The following NTNG1 variants were observed in gnomAD, a reference collection of about 807,000 sequenced individuals.
The protein encoded by NTNG1 is netrin G1.
NTNG1 carries 16 observed loss-of-function variants against 54.0 expected under a neutral mutation model. That is an observed-to-expected ratio of 0.30 (90% CI 0.20 to 0.45). The LOEUF (loss-of-function observed/expected upper bound fraction) is 0.45, where lower values mean the gene tolerates loss of function less well. Among genes scored for constraint, NTNG1 ranks in the 20% least tolerant of loss-of-function variants. The pLI, the probability that NTNG1 is intolerant of heterozygous loss-of-function variation, is 1.00. For synonymous variants in NTNG1, 255 were observed against 263.1 expected, an observed-to-expected ratio of 0.97 and a Z score of 0.30; for missense variants, 530 against 678.7, an observed-to-expected ratio of 0.78 and a Z score of 2.43.
intron 4 of NTNG1, among the ~76,000 whole-genome samples, chr1:107,404,634 C>A (rs1448193912): frequency 2.0e-5 from 3 of 151,994 alleles, no homozygotes; most frequent in African/African-American, 7.3e-5. Flanking sequence ...CCAGGCAGAT[C>A]CAACAGGTGC....
chr1:107,472,550 G>A (rs1224349801), intron 7 of NTNG1, among the ~76,000 whole-genome samples: 1 of 152,104 alleles, frequency 6.6e-6, no homozygotes, highest in Non-Finnish European at 1.5e-5. Context: ...ATGGATGAGT[G>A]TCACTAAATA....
chr1:107,192,102 A>G (rs543889431), intron 2 of NTNG1, among the ~76,000 whole-genome samples: 79 of 151,988 alleles, frequency 5.2e-4, no homozygotes, highest in African/African-American at 1.8e-3. Context: ...CTTTTATTTC[A>G]TTGATCAGTG....
chr1:107,389,465 T>C (rs1370203517), intron 3 of NTNG1, among the ~76,000 whole-genome samples: 1 of 152,240 alleles, frequency 6.6e-6, no homozygotes, highest in Non-Finnish European at 1.5e-5. Context: ...TTTTCATACC[T>C]ACTGGCAGGT....
intron 7 of NTNG1, among the ~76,000 whole-genome samples, chr1:107,439,510 T>C (rs1408566694): frequency 6.6e-6 from 1 of 152,078 alleles, no homozygotes; most frequent in Non-Finnish European, 1.5e-5. Context: ...AAGATTATTC[T>C]AGCTACTAAG....
intron 3 of NTNG1, among the ~76,000 whole-genome samples, chr1:107,356,247 G>C (rs761353803): frequency 6.6e-6 from 1 of 152,096 alleles, no homozygotes; most frequent in Non-Finnish European, 1.5e-5. Context: ...AACATACCTG[G>C]TAGAAAGTAT....
chr1:107,375,077 T>C (rs920636223), intron 3 of NTNG1, among the ~76,000 whole-genome samples: 3 of 152,340 alleles, frequency 2.0e-5, no homozygotes, highest in Admixed American at 1.3e-4. Flanking sequence ...GGAGGTTTTT[T>C]CCCTGCCTTC....
At chr1:107,173,315 G>A (rs536268153) in intron 2 of NTNG1, among the ~76,000 whole-genome samples, 2 of 152,084 alleles carry the variant, frequency 1.3e-5, no homozygotes, top group East Asian at 3.9e-4. Flanking sequence ...CTTAGTCTAG[G>A]ATACAGAAAG....
In NTNG1 at chr1:107,264,531, T is replaced by C. The variant is rs573072670; in HGVS notation, c.247-59751T>C. Among the ~76,000 whole-genome samples the C allele has an allele frequency of 2.8e-4, 42 of 152,380 alleles. No individual in the cohort carries two copies. In the South Asian group the frequency reaches 8.5e-3, roughly 31 times the overall value. ...ATATATAGATTTTCCTTTCATTTTTTATAAATGCTCCTTGGATTTTTCTAT... is the reference window on the plus strand; with the variant it reads ...ATATATAGATTTTCCTTTCATTTTTCATAAATGCTCCTTGGATTTTTCTAT... On this transcript the variant is annotated intron_variant, in intron 2 of 7. Transcript: ENST00000370068.
intron 2 of NTNG1, among the ~76,000 whole-genome samples, chr1:107,191,118 T>A (rs946649132): frequency 1.9e-4 from 29 of 152,236 alleles, no homozygotes; most frequent in Non-Finnish European, 2.9e-4. Context: ...TGATCGCCAT[T>A]CTAACCGGTG....
chr1:107,242,418 G>A (rs755817177), intron 2 of NTNG1, among the ~76,000 whole-genome samples: 15 of 152,032 alleles, frequency 9.9e-5, no homozygotes, highest in South Asian at 4.1e-4. Context: ...TCCAAACACC[G>A]TCTAACTCAA....
chr1:107,266,291 G>A (rs926564017), intron 2 of NTNG1, among the ~76,000 whole-genome samples: 1 of 152,144 alleles, frequency 6.6e-6, no homozygotes, highest in Non-Finnish European at 1.5e-5. Flanking sequence ...CTGAAACTGG[G>A]TAATTTATAA....
At chr1:107,342,288 A>G (rs931875927) in intron 3 of NTNG1, among the ~76,000 whole-genome samples, 3 of 152,086 alleles carry the variant, frequency 2.0e-5, no homozygotes, top group African/African-American at 4.8e-5. Flanking sequence ...ATTAAAGAAA[A>G]AGTATGACTG....
intron 7 of NTNG1, chr1:107,460,427 G>A (rs1255927927): frequency 9.6e-6 from 5 of 518,686 alleles, no homozygotes; most frequent in Non-Finnish European, 1.9e-5. Context: ...TACACTTTGG[G>A]AAAACTTTGG....
chr1:107,151,473 C>T (rs751553801), intron 2 of NTNG1, among the ~76,000 whole-genome samples: 1 of 152,136 alleles, frequency 6.6e-6, no homozygotes, highest in Non-Finnish European at 1.5e-5. Context: ...TGGCCTATTA[C>T]ATCAGGGGAG....
At chr1:107,413,293 G>T (rs1020743576) in intron 5 of NTNG1, among the ~76,000 whole-genome samples, 1 of 151,760 alleles carries the variant, frequency 6.6e-6, no homozygotes, top group Non-Finnish European at 1.5e-5. Flanking sequence ...CTCCTGAATA[G>T]CTGGGACTAC....
At chr1:107,170,688 T>A (rs1389911261) in intron 2 of NTNG1, among the ~76,000 whole-genome samples, 3 of 152,076 alleles carry the variant, frequency 2.0e-5, no homozygotes, top group Non-Finnish European at 4.4e-5. Context: ...ATAGTAGCTA[T>A]TGTATTGAAT....
rs970392821 is a variant in NTNG1, at chr1:107,168,514, T to C, written c.246+19675T>C. On this transcript the variant is annotated intron_variant, in intron 2 of 7. Coordinates refer to ENST00000370068, the MANE Select transcript of NTNG1 (RefSeq NM_001113226.3). ...CTATGCCCCTGTCTACAACTGTTCA[T>C]GAGCATCTCTGCTCCCTTGAGGAAA... Among the ~76,000 whole-genome samples the C allele has an allele frequency of 4.6e-5, 7 of 152,274 alleles. No individual in the cohort carries two copies. The South Asian group carries it at 6.2e-4, about 14-fold the overall frequency.
chr1:107,296,708 A>G (rs999717140), intron 2 of NTNG1, among the ~76,000 whole-genome samples: 6 of 148,100 alleles, frequency 4.1e-5, no homozygotes, highest in African/African-American at 1.5e-4. Context: ...ACTATTACAT[A>G]TTAATATAAT....
intron 2 of NTNG1, among the ~76,000 whole-genome samples, chr1:107,186,315 C>T (rs1029809708): frequency 2.0e-5 from 3 of 152,144 alleles, no homozygotes; most frequent in Admixed American, 6.6e-5. Context: ...CTTATTTGAT[C>T]TTTCTGTGTC....
Sources: allele counts gnomAD v4.1 joint callset (sites outside exome capture counted in the v4.1 genomes callset), GRCh38; gene constraint gnomAD v4.1.1; transcripts MANE v1.5; gene names NCBI Gene and HGNC (gene_info 2026-07-23, HGNC 2026-07-21).